MAST4: variants seen among roughly 807,000 people sequenced by gnomAD.
The protein encoded by MAST4 is microtubule-associated serine/threonine-protein kinase 4.
MAST4 carries 89 observed loss-of-function variants against 162.7 expected under a neutral mutation model. The ratio of observed to expected loss-of-function variants is 0.55; its 90% confidence interval spans 0.46 to 0.65. The LOEUF is 0.65. Among genes scored for constraint, MAST4 ranks in the 30% least tolerant of loss-of-function variants. The probability of loss-of-function intolerance (pLI) is 0.00; values close to 1 mark genes in which losing one functional copy is unlikely to be tolerated. For missense variants in MAST4, 3,153 were observed against 3,374.0 expected (o/e 0.93, Z 1.62); for synonymous variants, 1,479 against 1,361.1 (o/e 1.09, Z -1.91).
At chr5:67,072,606 G>A (rs1761117906) in intron 5 of MAST4, among the ~76,000 whole-genome samples, 1 of 152,100 alleles carries the variant, frequency 6.6e-6, no homozygotes, top group South Asian at 2.1e-4. Flanking sequence ...ATGACATAAA[G>A]AATCTAGAAA....
At chr5:66,717,643 T>C (rs1283762313) in intron 1 of MAST4, among the ~76,000 whole-genome samples, 6 of 152,242 alleles carry the variant, frequency 3.9e-5, no homozygotes, top group Admixed American at 3.9e-4. Context: ...TGCTACTGTT[T>C]CCCTGGGGAG....
chr5:66,939,038 C>T (rs1264901725), intron 4 of MAST4, among the ~76,000 whole-genome samples: 1 of 152,080 alleles, frequency 6.6e-6, no homozygotes, highest in Non-Finnish European at 1.5e-5. Flanking sequence ...ATATAATGTG[C>T]ATTTGCAATT....
At chr5:67,033,009 C>G (rs1755544264) in intron 4 of MAST4, among the ~76,000 whole-genome samples, 1 of 151,848 alleles carries the variant, frequency 6.6e-6, no homozygotes, top group Admixed American at 6.6e-5. Flanking sequence ...TATATAAATA[C>G]TTTTTGCCCT....
At chr5:67,054,525 ATTTC>A (rs745418564) in intron 5 of MAST4, 33 bp downstream of exon 5, 38 of 1,534,652 alleles carry the variant, frequency 2.5e-5, no homozygotes, top group Non-Finnish European at 3.3e-5. Flanking sequence ...GTTTTGTTTT[ATTTC>A]TTTATTTGTT....
At chr5:66,857,969 T>G (rs867452738) in intron 3 of MAST4, among the ~76,000 whole-genome samples, 7 of 152,150 alleles carry the variant, frequency 4.6e-5, no homozygotes, top group Middle Eastern at 6.8e-3. Context: ...ATTTTTTTAT[T>G]TTTTTGAGAT....
At chr5:66,841,979 C>T (rs1309172252) in intron 3 of MAST4, among the ~76,000 whole-genome samples, 1 of 152,004 alleles carries the variant, frequency 6.6e-6, no homozygotes, top group Non-Finnish European at 1.5e-5. Flanking sequence ...GTTTACATTA[C>T]AATGAAATAA....
At chr5:67,118,285 A>C (rs1277966770) in intron 12 of MAST4, among the ~76,000 whole-genome samples, 9 of 152,342 alleles carry the variant, frequency 5.9e-5, no homozygotes, top group African/African-American at 2.2e-4. Flanking sequence ...CAACTTAAGA[A>C]TCATTCCCTA....
chr5:66,875,054 G>T (rs548281015), intron 3 of MAST4, among the ~76,000 whole-genome samples: 2 of 152,294 alleles, frequency 1.3e-5, no homozygotes, highest in South Asian at 4.1e-4. Context: ...GCACTAAGGG[G>T]ATAGGCTTTA....
At chr5:67,004,360 C>T (rs1404316778) in intron 4 of MAST4, among the ~76,000 whole-genome samples, 1 of 152,214 alleles carries the variant, frequency 6.6e-6, no homozygotes, top group Admixed American at 6.5e-5. Flanking sequence ...TGGAAGGGTC[C>T]ACAAAGGTGT....
intron 3 of MAST4, among the ~76,000 whole-genome samples, chr5:66,848,488 C>G (rs1302267303): frequency 6.6e-6 from 1 of 152,138 alleles, no homozygotes; most frequent in African/African-American, 2.4e-5. Context: ...CTAGGCATGA[C>G]TTCACCAATG....
At chr5:67,043,749 A>G (rs1035919750) in intron 4 of MAST4, among the ~76,000 whole-genome samples, 1 of 152,214 alleles carries the variant, frequency 6.6e-6, no homozygotes, top group Non-Finnish European at 1.5e-5. Context: ...TGTCACACAC[A>G]TCTTCCCTAC....
chr5:67,078,923 T>TATAATATATATATATATATATATA (rs1554093905), intron 5 of MAST4, among the ~76,000 whole-genome samples: 1 of 81,744 alleles, frequency 1.2e-5, no homozygotes, highest in Non-Finnish European at 2.1e-5. Flanking sequence ...TATATATATA[T>TATAATATATATATATATATATATA]ATATATATAT....
intron 3 of MAST4, chr5:66,870,850 A>G (rs1379766094): frequency 4.2e-6 from 2 of 471,492 alleles, no homozygotes; most frequent in East Asian, 7.0e-5. Flanking sequence ...AGCTGCTTCA[A>G]AAGTGAGTGT....
At chr5:67,017,701 T>A (rs1753477388) in intron 4 of MAST4, among the ~76,000 whole-genome samples, 1 of 151,778 alleles carries the variant, frequency 6.6e-6, no homozygotes. Context: ...CCTCCCAGGT[T>A]CAAGTGATTC....
At chr5:67,042,176 C>A (rs898181379) in intron 4 of MAST4, among the ~76,000 whole-genome samples, 1 of 152,148 alleles carries the variant, frequency 6.6e-6, no homozygotes, top group Non-Finnish European at 1.5e-5. Context: ...CTAATGTACC[C>A]TGGTTGTGGG....
chr5:66,710,454 T>A (rs913681711), intron 1 of MAST4, among the ~76,000 whole-genome samples: 3 of 152,132 alleles, frequency 2.0e-5, no homozygotes, highest in African/African-American at 7.2e-5. Flanking sequence ...TCATTTTCCT[T>A]CTCTTTTCAT....
chr5:66,685,633 G>A (rs1293595696), intron 1 of MAST4, among the ~76,000 whole-genome samples: 1 of 152,050 alleles, frequency 6.6e-6, no homozygotes, highest in African/African-American at 2.4e-5. Flanking sequence ...GAAACAACTA[G>A]GTTCACTATA....
intron 2 of MAST4, among the ~76,000 whole-genome samples, chr5:66,767,750 G>A (rs1463889063): frequency 6.6e-6 from 1 of 152,180 alleles, no homozygotes; most frequent in Non-Finnish European, 1.5e-5. Context: ...AGAGTCTGAT[G>A]TTTGAGGGCT....
At chr5:66,599,828 C>G (rs1180524761) in intron 1 of MAST4, among the ~76,000 whole-genome samples, 1 of 151,932 alleles carries the variant, frequency 6.6e-6, no homozygotes, top group African/African-American at 2.4e-5. Flanking sequence ...GAGTATAAAG[C>G]ATTAAAAGGC....
Sources: allele counts gnomAD v4.1 joint callset (sites outside exome capture counted in the v4.1 genomes callset), GRCh38; gene constraint gnomAD v4.1.1; transcripts MANE v1.5; gene names NCBI Gene and HGNC (gene_info 2026-07-23, HGNC 2026-07-21).